Variants in PRDM1 observed in about 807,000 individuals in gnomAD.
PRDM1 encodes PR domain zinc finger protein 1.
Under a neutral mutation model 62.8 loss-of-function variants are expected in PRDM1, and 13 were observed. That is an observed-to-expected ratio of 0.21 (90% confidence interval 0.13 to 0.33). The LOEUF is 0.33. Among genes scored for constraint, PRDM1 ranks in the 10% least tolerant of loss-of-function variants. The pLI, the probability that PRDM1 is intolerant of heterozygous loss-of-function variation, is 1.00. For synonymous variants in PRDM1, 396 were observed against 417.6 expected (o/e 0.95, Z 0.63); for missense variants, 895 against 1,058.8 (o/e 0.85, Z 2.15).
intron 4 of PRDM1, chr6:106,100,039 T>C (rs1227455075): frequency 6.5e-6 from 1 of 154,502 alleles, no homozygotes; most frequent in African/African-American, 2.4e-5. Context: ...TCTAAGTGAA[T>C]AACCGTAAAG....
At chr6:106,063,620 A>G (rs963496794) in intron 1 of PRDM1, among the ~76,000 whole-genome samples, 1 of 152,210 alleles carries the variant, frequency 6.6e-6, no homozygotes, top group Non-Finnish European at 1.5e-5. Flanking sequence ...AATCCCCAAA[A>G]TATTTATTAG....
intron 1 of PRDM1, among the ~76,000 whole-genome samples, chr6:106,033,476 T>C (rs539007538): frequency 1.3e-5 from 2 of 152,070 alleles, no homozygotes; most frequent in African/African-American, 2.4e-5. Flanking sequence ...ATTTCTTTAA[T>C]TTTTAGTATG....
rs536015785 is a variant in PRDM1 at position 106,049,167 on chromosome 6, C to T, written c.-67+453C>T. Among the ~76,000 whole-genome samples, 22 of 152,080 alleles carry T rather than the reference C, an allele frequency of 1.4e-4. No homozygotes were observed. The South Asian group carries it at 3.9e-3, about 27-fold the overall frequency. On this transcript the variant is annotated intron_variant, in intron 1 of 6. Coordinates refer to the PRDM1 transcript ENST00000651185. ...TTGGAGGCAGCAGAGAATGTGGGCA[C>T]GATAGTATGGTGAGTATGAGAGAGA...
At chr6:106,052,359 C>G (rs1457046703) in intron 1 of PRDM1, among the ~76,000 whole-genome samples, 1 of 151,974 alleles carries the variant, frequency 6.6e-6, no homozygotes, top group Non-Finnish European at 1.5e-5. Context: ...TTTTTTTACT[C>G]TATGGAAGAT....
chr6:105,993,658 T>C (rs1261691363), intron 1 of PRDM1, among the ~76,000 whole-genome samples: 1 of 152,194 alleles, frequency 6.6e-6, no homozygotes, highest in Non-Finnish European at 1.5e-5. Context: ...AACGTTACGT[T>C]TACTATTTTA....
chr6:106,018,464 C>T, intron 1 of PRDM1, among the ~76,000 whole-genome samples: 1 of 152,148 alleles, frequency 6.6e-6, no homozygotes, highest in South Asian at 2.1e-4. Context: ...ATTTCCTTAG[C>T]TTTTACCTAG....
intron 1 of PRDM1, among the ~76,000 whole-genome samples, chr6:106,029,329 TTTAA>T (rs1365501968): frequency 1.3e-5 from 2 of 152,188 alleles, no homozygotes; most frequent in African/African-American, 4.8e-5. Context: ...TAAGGTCAAT[TTTAA>T]TTATTTTGCC....
intron 1 of PRDM1, among the ~76,000 whole-genome samples, chr6:106,014,933 G>T (rs945889582): frequency 1.3e-5 from 2 of 152,096 alleles, no homozygotes; most frequent in African/African-American, 2.4e-5. Context: ...TGAGGAGAGA[G>T]AACAAGACAC....
At position 106,109,456 on chromosome 6, in the gene PRDM1, T is replaced by C. The variant is rs943248793; in HGVS notation, c.*1970T>C. 4.3e-6 allele frequency: 1 copy of C among 233,502 alleles called. No individual in the cohort carries two copies. Among genetic ancestry groups the C allele is most frequent in the Non-Finnish European group, 8.5e-6 (1 of 117,940 alleles). 14.5% of individuals were successfully genotyped at this position (233,502 alleles called of 1,614,324 possible). A position where few individuals can be genotyped will look rare whatever the true frequency, so the allele number is the denominator to read the frequency against. On this transcript the variant is annotated 3_prime_UTR_variant, in exon 7 of 7. Transcript: ENST00000369096. Reference sequence around the variant, plus strand: ...TATTTGACATTTTGTTCACATCAACTAATGTTCACCTGTAGAAGAGAACAA... The same window carrying C: ...TATTTGACATTTTGTTCACATCAACCAATGTTCACCTGTAGAAGAGAACAA...
chr6:106,079,785 A>G (rs1469048621), intron 1 of PRDM1, among the ~76,000 whole-genome samples: 9 of 152,224 alleles, frequency 5.9e-5, no homozygotes, highest in Non-Finnish European at 1.2e-4. Flanking sequence ...GTGACAGAGC[A>G]AAACTCTTTC....
chr6:106,073,938 TGAGTG>T (rs1773561010), intron 1 of PRDM1, among the ~76,000 whole-genome samples: 2 of 152,126 alleles, frequency 1.3e-5, no homozygotes, highest in South Asian at 4.1e-4. Flanking sequence ...ATGATCCACA[TGAGTG>T]GAGACAAAGA....
At position 106,021,779 on chromosome 6, in the gene PRDM1, C is replaced by T. The variant is rs553614490; in HGVS notation, c.-67+28140C>T. On this transcript the variant is annotated intron_variant, in intron 1 of 6. Transcript: ENST00000652320. Reference sequence around the variant, plus strand: ...GGGATTACAGGCACGCGCCACCACGCCCGGCTAATTTTGTATTTTTAGTAG... The same window carrying T: ...GGGATTACAGGCACGCGCCACCACGTCCGGCTAATTTTGTATTTTTAGTAG... Among the ~76,000 whole-genome samples the T allele has an allele frequency of 1.2e-4, 19 of 152,298 alleles. No individual in the cohort carries two copies. In the South Asian group the frequency reaches 3.7e-3, roughly 30 times the overall value.
intron 1 of PRDM1, among the ~76,000 whole-genome samples, chr6:106,056,039 A>G (rs1014190316): frequency 6.6e-6 from 1 of 152,122 alleles, no homozygotes; most frequent in Non-Finnish European, 1.5e-5. Flanking sequence ...ACATTGTTTC[A>G]GATATAAAGG....
chr6:106,074,237 G>A (rs544003045), intron 1 of PRDM1, among the ~76,000 whole-genome samples: 49 of 152,222 alleles, frequency 3.2e-4, no homozygotes, highest in African/African-American at 1.2e-3. Flanking sequence ...AGGCCTATAC[G>A]CATAACTGAG....
chr6:106,030,996 CTT>C (rs11343130), intron 1 of PRDM1, among the ~76,000 whole-genome samples: 8,303 of 135,254 alleles, frequency 0.061, 270 homozygotes, highest in Non-Finnish European at 0.068. Context: ...TGTATTCTCT[CTT>C]TTTTTTTTTT....
chr6:106,107,008 A>G lies in PRDM1; in HGVS notation c.2000A>G (p.Lys667Arg), dbSNP rs375041438. 5 of 1,614,080 alleles carry G rather than the reference A, an allele frequency of 3.1e-6. No individual in the cohort carries two copies. The highest frequency in any genetic ancestry group is 2.7e-5 in the African/African-American group (2 of 74,930). Residue 667 changes from lysine (K) to arginine (R), a missense_variant, in exon 7 of 7, where the codon AAG (lysine) becomes AGG (arginine). Physicochemically the swap from Lys to Arg is conservative, Grantham distance 26 (BLOSUM62 2). Coordinates refer to ENST00000369096, the MANE Select transcript of PRDM1 (RefSeq NM_001198.4). ...TACCAATGCAAGGTGTGCCCTGCCA[A>G]GTTCACCCAGTTTGTGCACCTGAAA... The part of the protein sequence containing the change: ...KPYQCKVCPA[K>R]FTQFVHLKLH...
At chr6:106,080,075 T>A (rs1773670768) in intron 1 of PRDM1, among the ~76,000 whole-genome samples, 1 of 152,186 alleles carries the variant, frequency 6.6e-6, no homozygotes, top group African/African-American at 2.4e-5. Flanking sequence ...CATTTAAAGC[T>A]CTGTTGTTTA....
intron 1 of PRDM1, among the ~76,000 whole-genome samples, chr6:106,058,441 A>G (rs1773295946): frequency 1.3e-5 from 2 of 152,168 alleles, no homozygotes; most frequent in Non-Finnish European, 2.9e-5. Context: ...AATATATCAT[A>G]TTGAGGGCTT....
intron 1 of PRDM1, among the ~76,000 whole-genome samples, chr6:106,078,946 T>C (rs1009152327): frequency 1.3e-5 from 2 of 151,540 alleles, no homozygotes; most frequent in Non-Finnish European, 2.9e-5. Flanking sequence ...TTAAAAAAAT[T>C]ATTATTATTA....
Sources: allele counts gnomAD v4.1 joint callset (sites outside exome capture counted in the v4.1 genomes callset), GRCh38; gene constraint gnomAD v4.1.1; transcripts MANE v1.5; gene names NCBI Gene and HGNC (gene_info 2026-07-23, HGNC 2026-07-21).